The following GRIN2B variants were observed in gnomAD, a reference collection of about 807,000 sequenced individuals.
GRIN2B encodes the protein glutamate receptor ionotropic, NMDA 2B.
GRIN2B carries 5 observed loss-of-function variants against 114.5 expected under a neutral mutation model. The ratio of observed to expected loss-of-function variants is 0.04; its 90% CI spans 0.02 to 0.09. The LOEUF (loss-of-function observed/expected upper bound fraction) is 0.09. Among genes scored for constraint, GRIN2B ranks in the 10% least tolerant of loss-of-function variants. The pLI is 1.00. For synonymous variants in GRIN2B, 787 were observed against 745.1 expected, an observed-to-expected ratio of 1.06 and a Z score of -0.92; for missense variants, 1,108 against 1,943.5, an observed-to-expected ratio of 0.57 and a Z score of 8.08.
chr12:13,859,071 C>T (rs1394104322), intron 3 of GRIN2B, among the ~76,000 whole-genome samples: 1 of 152,166 alleles, frequency 6.6e-6, no homozygotes, highest in East Asian at 1.9e-4. Flanking sequence ...GGGTACATTG[C>T]GTCATAAGGC....
At chr12:13,845,961 C>T (rs991032192) in intron 3 of GRIN2B, among the ~76,000 whole-genome samples, 2 of 152,268 alleles carry the variant, frequency 1.3e-5, no homozygotes, top group Middle Eastern at 3.4e-3. Context: ...TTAATCTACT[C>T]ACCCTGAACC....
intron 3 of GRIN2B, among the ~76,000 whole-genome samples, chr12:13,826,230 G>C (rs1008857348): frequency 2.0e-5 from 3 of 152,072 alleles, no homozygotes; most frequent in African/African-American, 7.2e-5. Flanking sequence ...CAGCACTTTG[G>C]GAGGCCGAGG....
In GRIN2B at chr12:13,704,886, C is replaced by T. The variant is rs147954320; in HGVS notation, c.1011-29027G>A. Among the ~76,000 whole-genome samples the T allele has an allele frequency of 3.9e-5, 6 of 152,272 alleles. No individual in the cohort carries two copies. The East Asian group carries it at 1.2e-3, about 29-fold the overall frequency. On this transcript the variant is annotated intron_variant, in intron 4 of 13. Coordinates refer to ENST00000609686, the MANE Select transcript of GRIN2B (RefSeq NM_000834.5). ...ACATGTCACTGATACTTTTATTCCT[C>T]ATTTTTTACTGAGCCCTAATTTGGA...
chr12:13,710,031 A>C (rs946051829), intron 4 of GRIN2B, among the ~76,000 whole-genome samples: 1 of 152,044 alleles, frequency 6.6e-6, no homozygotes, highest in Non-Finnish European at 1.5e-5. Flanking sequence ...CCAAATGTTC[A>C]TCAACAGAAA....
rs114109490 is a variant in GRIN2B at position 13,590,955 on chromosome 12, C to G, written c.2010+17648G>C. Among the ~76,000 whole-genome samples the G allele has an allele frequency of 6.2e-3, 943 of 152,190 alleles. 12 individuals carry two copies. Among genetic ancestry groups the G allele is most frequent in the African/African-American group, 0.022 (907 of 41,540 alleles). On this transcript the variant is annotated intron_variant, in intron 10 of 13. Coordinates refer to ENST00000609686, the MANE Select transcript of GRIN2B (RefSeq NM_000834.5). ...TGCTCACTGAGCCCTTACTATGTGC[C>G]TAGGAGGATGCTGGGAGCATGCTTT...
At chr12:13,566,987 C>T (rs1054208750) in intron 13 of GRIN2B, 38 bp downstream of exon 13, 8 of 1,384,350 alleles carry the variant, frequency 5.8e-6, no homozygotes, top group African/African-American at 1.4e-5. Flanking sequence ...GCTAAGCTGT[C>T]CCTAACAAGC....
chr12:13,799,578 G>A (rs1056553392), intron 3 of GRIN2B, among the ~76,000 whole-genome samples: 3 of 152,052 alleles, frequency 2.0e-5, no homozygotes, highest in African/African-American at 7.2e-5. Context: ...TCCTGCTGCC[G>A]CCACAGACAA....
chr12:13,707,133 T>C (rs2300249), intron 4 of GRIN2B, among the ~76,000 whole-genome samples: 63,500 of 151,946 alleles, frequency 0.42, 13,731 homozygotes, highest in Non-Finnish European at 0.48. Context: ...ACTTTGCTTT[T>C]ATTCCTGAAT....
chr12:13,732,056 T>C (rs924285772), intron 4 of GRIN2B, among the ~76,000 whole-genome samples: 5 of 152,032 alleles, frequency 3.3e-5, no homozygotes, highest in South Asian at 2.1e-4. Flanking sequence ...AAAACAAAAA[T>C]ACACTAATGG....
intron 2 of GRIN2B, among the ~76,000 whole-genome samples, chr12:13,866,921 C>T (rs975782193): frequency 3.3e-5 from 5 of 152,276 alleles, no homozygotes; most frequent in South Asian, 2.1e-4. Flanking sequence ...TAAATGTTGA[C>T]GCCAAGGCTC....
chr12:13,950,326 A>G (rs1342264128), intron 2 of GRIN2B, among the ~76,000 whole-genome samples: 1 of 152,194 alleles, frequency 6.6e-6, no homozygotes, highest in African/African-American at 2.4e-5. Context: ...GGACTGTAGC[A>G]TTGGGGTTGT....
chr12:13,978,508 T>C (rs1181968204), intron 2 of GRIN2B, among the ~76,000 whole-genome samples: 2 of 152,232 alleles, frequency 1.3e-5, no homozygotes, highest in Admixed American at 6.5e-5. Flanking sequence ...TCTACTGTCA[T>C]GTTGAGCGAC....
chr12:13,881,383 C>A (rs187662289), intron 2 of GRIN2B, among the ~76,000 whole-genome samples: 1 of 152,326 alleles, frequency 6.6e-6, no homozygotes, highest in East Asian at 1.9e-4. Flanking sequence ...GGGCCATTCT[C>A]TCTTGTTCTT....
intron 4 of GRIN2B, among the ~76,000 whole-genome samples, chr12:13,750,259 G>A (rs933707235): frequency 2.0e-5 from 3 of 152,164 alleles, no homozygotes; most frequent in Admixed American, 2.0e-4. Context: ...ACTGAGTAGG[G>A]CCACCTTCCT....
intron 3 of GRIN2B, among the ~76,000 whole-genome samples, chr12:13,772,195 C>T (rs1320643501): frequency 6.6e-6 from 1 of 152,222 alleles, no homozygotes; most frequent in East Asian, 1.9e-4. Context: ...GGATCAGCTC[C>T]CTCTGGGGAG....
At chr12:13,687,262 T>C (rs546104170) in intron 4 of GRIN2B, among the ~76,000 whole-genome samples, 100 of 152,360 alleles carry the variant, frequency 6.6e-4, no homozygotes, top group Non-Finnish European at 9.3e-4. Context: ...TCCTAAGTGT[T>C]CTATAGTCTC....
At chr12:13,647,651 G>A (rs1256157453) in intron 5 of GRIN2B, among the ~76,000 whole-genome samples, 1 of 152,040 alleles carries the variant, frequency 6.6e-6, no homozygotes, top group African/African-American at 2.4e-5. Flanking sequence ...CGGAGAGGAG[G>A]AGAGGAAAGG....
At chr12:13,676,338 G>T (rs1389482724) in intron 4 of GRIN2B, among the ~76,000 whole-genome samples, 1 of 152,030 alleles carries the variant, frequency 6.6e-6, no homozygotes, top group Non-Finnish European at 1.5e-5. Flanking sequence ...ATGTACCCCA[G>T]AACTTAAAAT....
intron 3 of GRIN2B, among the ~76,000 whole-genome samples, chr12:13,859,279 T>A (rs1020390158): frequency 7.2e-5 from 11 of 152,192 alleles, no homozygotes; most frequent in African/African-American, 2.7e-4. Context: ...CTGGAAAATG[T>A]ATGACAAGTG....
Sources: allele counts gnomAD v4.1 joint callset (sites outside exome capture counted in the v4.1 genomes callset), GRCh38; gene constraint gnomAD v4.1.1; transcripts MANE v1.5; gene names NCBI Gene and HGNC (gene_info 2026-07-23, HGNC 2026-07-21).